Variants in BRINP2 observed in about 807,000 individuals in gnomAD.
BRINP2 encodes the protein BMP/retinoic acid inducible neural specific 2.
BRINP2 carries 21 observed loss-of-function variants against 69.2 expected under a neutral mutation model. That is an observed-to-expected ratio of 0.30 (90% confidence interval 0.22 to 0.44). BRINP2 has a LOEUF of 0.44. BRINP2 is among the 20% of genes least tolerant of loss of function. The pLI, the probability that BRINP2 is intolerant of heterozygous loss-of-function variation, is 1.00. For missense variants in BRINP2, 877 were observed against 986.0 expected (o/e 0.89, Z 1.48); for synonymous variants, 380 against 394.1 (o/e 0.96, Z 0.42).
intron 2 of BRINP2, among the ~76,000 whole-genome samples, chr1:177,248,934 G>A (rs1373953300): frequency 6.6e-6 from 1 of 152,142 alleles, no homozygotes; most frequent in African/African-American, 2.4e-5. Context: ...AAGCTCCTGT[G>A]CCTGAGATCT....
At chr1:177,211,878 G>A (rs935557252) in intron 1 of BRINP2, among the ~76,000 whole-genome samples, 9 of 152,236 alleles carry the variant, frequency 5.9e-5, no homozygotes, top group African/African-American at 2.2e-4. Context: ...AGTGATTTAT[G>A]TTTCTTACCT....
chr1:177,247,254 A>C (rs974987767), intron 2 of BRINP2, among the ~76,000 whole-genome samples: 1 of 152,258 alleles, frequency 6.6e-6, no homozygotes, highest in African/African-American at 2.4e-5. Context: ...TGTGAAACTC[A>C]GTGGTACTTA....
chr1:177,173,411 C>T (rs1444311719), intron 1 of BRINP2, among the ~76,000 whole-genome samples: 1 of 152,210 alleles, frequency 6.6e-6, no homozygotes, highest in Admixed American at 6.5e-5. Context: ...TGTTTGACAG[C>T]TGGGCTGCAG....
At chr1:177,178,429 C>T (rs1648150611) in intron 1 of BRINP2, among the ~76,000 whole-genome samples, 2 of 152,122 alleles carry the variant, frequency 1.3e-5, no homozygotes, top group South Asian at 4.1e-4. Flanking sequence ...CTTCAAACAC[C>T]AGGCAGCTCC....
intron 2 of BRINP2, among the ~76,000 whole-genome samples, chr1:177,239,375 G>A (rs76578171): frequency 0.011 from 1,740 of 152,314 alleles, 32 homozygotes; most frequent in African/African-American, 0.04. Flanking sequence ...TTCTACAAGG[G>A]TGCGATGTAA....
At chr1:177,178,138 T>C (rs1648143693) in intron 1 of BRINP2, among the ~76,000 whole-genome samples, 1 of 152,214 alleles carries the variant, frequency 6.6e-6, no homozygotes, top group African/African-American at 2.4e-5. Flanking sequence ...CGTGCTACTG[T>C]CTGATGCCAG....
chr1:177,204,889 C>A (rs188956516), intron 1 of BRINP2, among the ~76,000 whole-genome samples: 20 of 152,090 alleles, frequency 1.3e-4, no homozygotes, highest in African/African-American at 4.8e-4. Context: ...ATTTTATAAC[C>A]TGAATTTTTC....
At chr1:177,180,151 T>C (rs1314101352) in intron 1 of BRINP2, among the ~76,000 whole-genome samples, 1 of 152,222 alleles carries the variant, frequency 6.6e-6, no homozygotes, top group African/African-American at 2.4e-5. Flanking sequence ...CTCATTTAAT[T>C]TTTATTACAA....
intron 2 of BRINP2, among the ~76,000 whole-genome samples, chr1:177,240,739 G>A (rs150919912): frequency 6.6e-6 from 1 of 152,294 alleles, no homozygotes; most frequent in African/African-American, 2.4e-5. Flanking sequence ...AAACCACAGG[G>A]CTTATTAGCC....
At chr1:177,274,874 C>T (rs1242603010) in intron 5 of BRINP2, among the ~76,000 whole-genome samples, 1 of 152,082 alleles carries the variant, frequency 6.6e-6, no homozygotes, top group East Asian at 1.9e-4. Context: ...GGAGGTAGAC[C>T]TCAAGAAAGA....
At chr1:177,276,059 T>G (rs1022283031) in intron 5 of BRINP2, 139 bp from the exon 6 acceptor site, 1 of 757,420 alleles carries the variant, frequency 1.3e-6, no homozygotes, top group African/African-American at 1.7e-5. Context: ...TCAGCAGGAT[T>G]AGGCCCTGTG....
Position 177,278,608 on chromosome 1 carries a change from T to C in BRINP2, c.1058T>C (p.Leu353Pro). Residue 353 changes from leucine to proline, a missense_variant, in exon 7 of 8, where the codon CTG (leucine) becomes CCG (proline). Leu to Pro is a moderately conservative substitution (Grantham distance 98). Coordinates refer to ENST00000361539, the MANE Select transcript of BRINP2 (RefSeq NM_021165.4). Reference protein sequence around the residue: ...LLKRLPDDRFLNSTAISQFWA... With the variant: ...LLKRLPDDRFPNSTAISQFWA... ...AAAAGGCTGCCCGATGACCGGTTCC[T>C]GAACTCCACAGCTATCTCCCAGTTC... 1.2e-6 allele frequency: 2 copies of C among 1,614,198 alleles called. No homozygotes were observed. Among genetic ancestry groups the C allele is most frequent in the Non-Finnish European group, 1.7e-6 (2 of 1,180,044 alleles).
Position 177,257,324 on chromosome 1 carries a change from C to T in BRINP2, c.609C>T (p.Ile203=), listed in dbSNP as rs1376471464. The change falls in exon 4 of 8, where the codon ATC becomes ATT. Residue 203 remains isoleucine, a synonymous_variant. Transcript: ENST00000361539. ...ACCAGCTGGCCGCCTCCTACTTCAT[C>T]GACAGAGAGAGCACGCTGCGACGGC... ...TLHQLAASYF[I]DRESTLRRLH... 9 of 1,613,910 alleles carry T rather than the reference C, an allele frequency of 5.6e-6. No homozygotes were observed. The highest frequency in any genetic ancestry group is 2.7e-5 in the African/African-American group (2 of 74,876).
chr1:177,212,061 A>G (rs1649236364), intron 1 of BRINP2, among the ~76,000 whole-genome samples: 1 of 116,436 alleles, frequency 8.6e-6, no homozygotes, highest in African/African-American at 3.1e-5. Flanking sequence ...ATATCTCTAT[A>G]GACACAGATA....
rs533181604 is a variant in BRINP2, at chr1:177,200,550, C to A, written c.-77+28818C>A. On this transcript the variant is annotated intron_variant, in intron 1 of 7. Transcript: ENST00000361539. ...CTCTAACAAGTAAAGCAGGCTCCTC[C>A]TACCTGTACTCATTCCTCCCTCGGC... Among the ~76,000 whole-genome samples, 275 of 152,160 alleles carry A rather than the reference C, an allele frequency of 1.8e-3. 3 individuals carry two copies. The highest frequency in any genetic ancestry group is 3.2e-3 in the Non-Finnish European group (217 of 68,012).
intron 2 of BRINP2, among the ~76,000 whole-genome samples, chr1:177,253,820 C>G (rs1291603240): frequency 6.6e-6 from 1 of 151,990 alleles, no homozygotes; most frequent in African/African-American, 2.4e-5. Flanking sequence ...GCACCTTTGT[C>G]AAAAATCCGT....
chr1:177,272,617 A>C (rs970292788), intron 4 of BRINP2, among the ~76,000 whole-genome samples: 7 of 152,248 alleles, frequency 4.6e-5, no homozygotes, highest in Non-Finnish European at 1.0e-4. Context: ...AGGACGTCAG[A>C]GGTATCAGAG....
intron 1 of BRINP2, among the ~76,000 whole-genome samples, chr1:177,181,343 C>T (rs1234576653): frequency 6.6e-6 from 1 of 152,174 alleles, no homozygotes; most frequent in African/African-American, 2.4e-5. Context: ...ACGAAGGCAG[C>T]GGTCCTCCCT....
chr1:177,252,954 G>A (rs561420663), intron 2 of BRINP2, among the ~76,000 whole-genome samples: 1 of 152,080 alleles, frequency 6.6e-6, no homozygotes, highest in South Asian at 2.1e-4. Flanking sequence ...TCAGTTTATG[G>A]ACATTTAGGT....
Sources: allele counts gnomAD v4.1 joint callset (sites outside exome capture counted in the v4.1 genomes callset), GRCh38; gene constraint gnomAD v4.1.1; transcripts MANE v1.5; gene names NCBI Gene and HGNC (gene_info 2026-07-23, HGNC 2026-07-21).